Variants in TRPM3 observed in about 807,000 individuals in gnomAD.
TRPM3 encodes transient receptor potential cation channel subfamily M member 3.
In TRPM3, 77 loss-of-function variants were observed where a neutral mutation model predicts 181.2. That is an observed-to-expected ratio of 0.42 (90% confidence interval 0.35 to 0.51). The LOEUF (loss-of-function observed/expected upper bound fraction) is 0.51. Among genes scored for constraint, TRPM3 ranks in the 20% least tolerant of loss-of-function variants. TRPM3 has a pLI of 0.01. For missense variants in TRPM3, 1,759 were observed against 2,196.7 expected (o/e 0.80, Z 3.98); for synonymous variants, 745 against 796.4 (o/e 0.94, Z 1.09).
At chr9:70,867,242 C>A (rs1332648203) in intron 1 of TRPM3, among the ~76,000 whole-genome samples, 1 of 151,986 alleles carries the variant, frequency 6.6e-6, no homozygotes, top group Non-Finnish European at 1.5e-5. Flanking sequence ...GGCTATACAG[C>A]AAAGAAATGT....
chr9:71,251,090 A>G (rs958488084), intron 1 of TRPM3, among the ~76,000 whole-genome samples: 3 of 152,200 alleles, frequency 2.0e-5, no homozygotes, highest in Non-Finnish European at 2.9e-5. Flanking sequence ...GTACTTTTAG[A>G]GAAAGTTTCC....
At chr9:71,068,409 A>C (rs1049219381) in intron 1 of TRPM3, among the ~76,000 whole-genome samples, 5 of 152,224 alleles carry the variant, frequency 3.3e-5, no homozygotes, top group African/African-American at 9.6e-5. Flanking sequence ...GAACACAGCC[A>C]GGGTGCCAAA....
chr9:71,030,407 A>G (rs2057136563), intron 1 of TRPM3, among the ~76,000 whole-genome samples: 1 of 152,074 alleles, frequency 6.6e-6, no homozygotes. Context: ...TCTACTGAAA[A>G]TACAAAAATT....
Position 70,535,813 on chromosome 9 carries a change from A to AG in TRPM3, c.*139dup, listed in dbSNP as rs2041577039. 6.7e-7 allele frequency: 1 copy of AG among 1,500,322 alleles called. No homozygotes were observed. 92.9% of individuals were successfully genotyped at this position (1,500,322 alleles called of 1,614,324 possible). On this transcript the variant is annotated 3_prime_UTR_variant, in exon 26 of 26. Transcript: ENST00000677713. ...ATCTGTGGCCCAGAAGTCACCTTTG[A>AG]GTTAACACCTCCCAAAGCATTGCTT...
intron 18 of TRPM3, among the ~76,000 whole-genome samples, chr9:70,615,053 G>T (rs1245421071): frequency 6.6e-6 from 1 of 152,184 alleles, no homozygotes; most frequent in Non-Finnish European, 1.5e-5. Context: ...TTGTTTACCT[G>T]CAGGAGAAAC....
chr9:71,080,197 A>AATAAATAG (rs1422886006), intron 1 of TRPM3, among the ~76,000 whole-genome samples: 1 of 149,864 alleles, frequency 6.7e-6, no homozygotes, highest in African/African-American at 2.5e-5. Context: ...TAAATAAATA[A>AATAAATAG]ATAAATAAAT....
At chr9:70,813,856 T>C (rs1377410593) in intron 6 of TRPM3, among the ~76,000 whole-genome samples, 3 of 152,180 alleles carry the variant, frequency 2.0e-5, no homozygotes, top group East Asian at 1.9e-4. Flanking sequence ...CCCTTAAGGG[T>C]TGTCATAAGA....
At chr9:71,226,339 A>G (rs2080649540) in intron 1 of TRPM3, among the ~76,000 whole-genome samples, 1 of 152,144 alleles carries the variant, frequency 6.6e-6, no homozygotes, top group Non-Finnish European at 1.5e-5. Flanking sequence ...TTCATCAATA[A>G]TAAGATTGAA....
chr9:71,096,298 A>G (rs2067189599), intron 1 of TRPM3, among the ~76,000 whole-genome samples: 1 of 150,092 alleles, frequency 6.7e-6, no homozygotes, highest in African/African-American at 2.5e-5. Flanking sequence ...GCCTTTAAAA[A>G]AAAAAACTAC....
chr9:71,083,683 G>C (rs2064780650), intron 1 of TRPM3, among the ~76,000 whole-genome samples: 1 of 148,510 alleles, frequency 6.7e-6, no homozygotes, highest in Non-Finnish European at 1.5e-5. Context: ...AACCAGTGTT[G>C]CATAAAAGTC....
chr9:70,555,718 A>G (rs2047529456), intron 22 of TRPM3, among the ~76,000 whole-genome samples: 1 of 151,928 alleles, frequency 6.6e-6, no homozygotes, highest in Non-Finnish European at 1.5e-5. Context: ...TCATGGAACC[A>G]TTGCTTTGTT....
At chr9:71,292,141 A>C (rs2085865268) in intron 1 of TRPM3, among the ~76,000 whole-genome samples, 3 of 152,188 alleles carry the variant, frequency 2.0e-5, no homozygotes, top group African/African-American at 7.2e-5. Flanking sequence ...AAAATGAATA[A>C]ACATTGAAAA....
intron 1 of TRPM3, among the ~76,000 whole-genome samples, chr9:71,276,977 A>G (rs902828675): frequency 6.6e-6 from 1 of 152,310 alleles, no homozygotes; most frequent in African/African-American, 2.4e-5. Flanking sequence ...AAAAGAATGA[A>G]CTTAAGTTCT....
chr9:70,834,096 T>TGCAGA (rs2131822073), intron 5 of TRPM3, among the ~76,000 whole-genome samples: 1 of 152,266 alleles, frequency 6.6e-6, no homozygotes, highest in South Asian at 2.1e-4. Flanking sequence ...TAAGGACAGG[T>TGCAGA]GCAGAGCAGG....
At chr9:70,779,220 G>A (rs1007274527) in intron 7 of TRPM3, among the ~76,000 whole-genome samples, 4 of 152,084 alleles carry the variant, frequency 2.6e-5, no homozygotes, top group Middle Eastern at 3.4e-3. Flanking sequence ...ACACAAAAAC[G>A]TGAACAGTCT....
intron 1 of TRPM3, among the ~76,000 whole-genome samples, chr9:71,374,057 T>C (rs1244655029): frequency 6.6e-6 from 1 of 152,132 alleles, no homozygotes; most frequent in Non-Finnish European, 1.5e-5. Context: ...TGGCCTTGAA[T>C]AAAATTCAAC....
intron 1 of TRPM3, among the ~76,000 whole-genome samples, chr9:70,957,455 G>A (rs897919475): frequency 6.6e-6 from 1 of 152,066 alleles, no homozygotes; most frequent in African/African-American, 2.4e-5. Flanking sequence ...GGGGTTAAAA[G>A]GACTGAATTA....
At chr9:70,751,601 G>A (rs937057373) in intron 8 of TRPM3, among the ~76,000 whole-genome samples, 5 of 152,112 alleles carry the variant, frequency 3.3e-5, no homozygotes, top group African/African-American at 1.2e-4. Flanking sequence ...AAAAGAGGAG[G>A]AGAAACAGAA....
At chr9:71,438,220 C>G (rs1302913303) in intron 1 of TRPM3, among the ~76,000 whole-genome samples, 1 of 152,076 alleles carries the variant, frequency 6.6e-6, no homozygotes, top group Non-Finnish European at 1.5e-5. Flanking sequence ...GAGGGAAAAC[C>G]ATAGACTAAA....
Sources: allele counts gnomAD v4.1 joint callset (sites outside exome capture counted in the v4.1 genomes callset), GRCh38; gene constraint gnomAD v4.1.1; transcripts MANE v1.5; gene names NCBI Gene and HGNC (gene_info 2026-07-23, HGNC 2026-07-21).